The following ITGA8 variants were observed in gnomAD, a reference collection of about 807,000 sequenced individuals.
ITGA8 encodes integrin subunit alpha 8.
In ITGA8, 91 loss-of-function variants were observed where a neutral mutation model predicts 142.3. That is an observed-to-expected ratio of 0.64 (90% CI 0.54 to 0.76). The LOEUF (loss-of-function observed/expected upper bound fraction) is 0.76. Among genes scored for constraint, ITGA8 ranks in the 30% least tolerant of loss-of-function variants. The probability of loss-of-function intolerance (pLI) is 0.00; values close to 1 mark genes in which losing one functional copy is unlikely to be tolerated. For synonymous variants in ITGA8, 505 were observed against 485.2 expected (o/e 1.04, Z -0.54); for missense variants, 1,406 against 1,327.7 (o/e 1.06, Z -0.92).
intron 28 of ITGA8, among the ~76,000 whole-genome samples, chr10:15,519,998 G>A (rs1011058581): frequency 5.3e-5 from 8 of 152,180 alleles, no homozygotes; most frequent in African/African-American, 1.9e-4. Context: ...ATTCTGTGCT[G>A]TATCAGTGAA....
chr10:15,528,033 A>G (rs1206614207), intron 28 of ITGA8, among the ~76,000 whole-genome samples: 1 of 148,384 alleles, frequency 6.7e-6, no homozygotes, highest in Non-Finnish European at 1.5e-5. Context: ...CTCCTGCCTC[A>G]GCCTCCTGAG....
At chr10:15,712,971 G>A (rs1835388681) in intron 2 of ITGA8, among the ~76,000 whole-genome samples, 1 of 152,214 alleles carries the variant, frequency 6.6e-6, no homozygotes, top group African/African-American at 2.4e-5. Context: ...TAAGCAATAG[G>A]TGCCTAATGC....
chr10:15,648,646 T>G (rs1034301852), intron 11 of ITGA8, among the ~76,000 whole-genome samples: 1 of 151,988 alleles, frequency 6.6e-6, no homozygotes, highest in Non-Finnish European at 1.5e-5. Context: ...ATATCAAAAG[T>G]CAGGGATGAG....
At chr10:15,687,722 G>C (rs1588724529) in intron 3 of ITGA8, among the ~76,000 whole-genome samples, 1 of 152,092 alleles carries the variant, frequency 6.6e-6, no homozygotes, top group Non-Finnish European at 1.5e-5. Context: ...ATATTTAACT[G>C]CTCTTCTGGA....
At chr10:15,663,344 C>T (rs1025121821) in intron 8 of ITGA8, among the ~76,000 whole-genome samples, 10 of 152,170 alleles carry the variant, frequency 6.6e-5, no homozygotes, top group African/African-American at 2.4e-4. Flanking sequence ...CCTCAAAACA[C>T]TTTTTATTTT....
chr10:15,605,160 A>G (rs181700093), intron 19 of ITGA8, among the ~76,000 whole-genome samples: 119 of 152,302 alleles, frequency 7.8e-4, no homozygotes, highest in African/African-American at 2.7e-3. Context: ...ATGTCTTCCC[A>G]TAACAGAATA....
chr10:15,567,569 T>C (rs1376909305), intron 25 of ITGA8, among the ~76,000 whole-genome samples: 2 of 152,226 alleles, frequency 1.3e-5, no homozygotes, highest in Non-Finnish European at 2.9e-5. Context: ...CATCTGCTTA[T>C]GCCCCTAAAC....
intron 19 of ITGA8, among the ~76,000 whole-genome samples, chr10:15,605,443 G>C (rs963979299): frequency 7.2e-5 from 11 of 151,738 alleles, no homozygotes; most frequent in African/African-American, 2.7e-4. Context: ...CATAACCCGA[G>C]CCACCCCATC....
chr10:15,539,900 G>C (rs1432139998), intron 27 of ITGA8, among the ~76,000 whole-genome samples: 3 of 152,116 alleles, frequency 2.0e-5, no homozygotes, highest in Non-Finnish European at 4.4e-5. Context: ...TTGAATCACA[G>C]GGTGATTTCT....
intron 2 of ITGA8, among the ~76,000 whole-genome samples, chr10:15,704,124 C>T (rs1835215561): frequency 6.6e-6 from 1 of 152,202 alleles, no homozygotes; most frequent in Non-Finnish European, 1.5e-5. Context: ...GTCATCAATT[C>T]TTGTTGATGC....
intron 2 of ITGA8, among the ~76,000 whole-genome samples, chr10:15,715,175 G>A (rs1339290013): frequency 6.6e-6 from 1 of 151,968 alleles, no homozygotes; most frequent in Non-Finnish European, 1.5e-5. Flanking sequence ...AGACCATGAA[G>A]GGGCATTCTG....
chr10:15,533,933 GTC>G (rs1254208692), intron 27 of ITGA8, among the ~76,000 whole-genome samples: 3 of 148,970 alleles, frequency 2.0e-5, no homozygotes, highest in South Asian at 2.1e-4. Flanking sequence ...TTGAGACAGA[GTC>G]TCATTCTGTT....
intron 12 of ITGA8, among the ~76,000 whole-genome samples, chr10:15,644,805 C>T (rs1833947780): frequency 6.6e-6 from 1 of 151,510 alleles, no homozygotes; most frequent in African/African-American, 2.4e-5. Context: ...TTATTAAGAG[C>T]CTCCAGGGCC....
intron 26 of ITGA8, among the ~76,000 whole-genome samples, chr10:15,549,773 C>G (rs1391853391): frequency 6.6e-6 from 1 of 152,158 alleles, no homozygotes; most frequent in East Asian, 1.9e-4. Flanking sequence ...TGATATAACA[C>G]AGAATAATCC....
At chr10:15,633,993 T>C (rs1335394333) in intron 13 of ITGA8, among the ~76,000 whole-genome samples, 1 of 152,222 alleles carries the variant, frequency 6.6e-6, no homozygotes, top group East Asian at 1.9e-4. Flanking sequence ...TTTTTATGAC[T>C]GTGGCAAGAA....
intron 21 of ITGA8, among the ~76,000 whole-genome samples, chr10:15,595,910 G>A (rs1370421945): frequency 1.3e-5 from 2 of 151,946 alleles, no homozygotes; most frequent in Non-Finnish European, 2.9e-5. Context: ...AAATTAGCCG[G>A]GCATGTTGGC....
At chr10:15,568,977 AGT>A (rs1442237487) in intron 25 of ITGA8, among the ~76,000 whole-genome samples, 1 of 152,292 alleles carries the variant, frequency 6.6e-6, no homozygotes. Flanking sequence ...GGATCCCTGG[AGT>A]GTGTGACCTC....
At chr10:15,610,431 A>C (rs1833272559) in intron 15 of ITGA8, among the ~76,000 whole-genome samples, 1 of 152,232 alleles carries the variant, frequency 6.6e-6, no homozygotes, top group Non-Finnish European at 1.5e-5. Context: ...ATTAAATTAG[A>C]ATTAAAATTT....
intron 13 of ITGA8, among the ~76,000 whole-genome samples, chr10:15,620,308 T>TACACACAC (rs4030584): frequency 8.6e-5 from 13 of 150,818 alleles, no homozygotes; most frequent in Admixed American, 2.0e-4. Flanking sequence ...GGTGTTGAGA[T>TACACACAC]ACACACACAC....
Sources: allele counts gnomAD v4.1 joint callset (sites outside exome capture counted in the v4.1 genomes callset), GRCh38; gene constraint gnomAD v4.1.1; transcripts MANE v1.5; gene names NCBI Gene and HGNC (gene_info 2026-07-23, HGNC 2026-07-21).